The following PRDM16 variants were observed in gnomAD, a reference collection of about 807,000 sequenced individuals.
PRDM16 encodes the protein PR/SET domain 16.
PRDM16 carries 23 observed loss-of-function variants against 110.6 expected under a neutral mutation model. That is an observed-to-expected ratio of 0.21 (90% CI 0.15 to 0.29). The LOEUF is 0.29. PRDM16 is among the 10% of genes least tolerant of loss of function. The pLI, the probability that PRDM16 is intolerant of heterozygous loss-of-function variation, is 1.00. For synonymous variants in PRDM16, 799 were observed against 781.8 expected (o/e 1.02, Z -0.37); for missense variants, 1,615 against 1,794.3 (o/e 0.90, Z 1.81).
Position 3,411,848 on chromosome 1 carries a change from C to T in PRDM16, c.1651C>T (p.Leu551=), listed in dbSNP as rs757695488. The change falls in exon 9 of 17, where the codon CTG becomes TTG. Residue 551 remains leucine (L), a synonymous_variant. Coordinates refer to ENST00000270722, the MANE Select transcript of PRDM16 (RefSeq NM_022114.4). Reference sequence around the variant, plus strand: ...CCAGGACGCCAAGCTCCCCAGTCCCCTGGGGAACCCAGCCCTGCCCCTGGT... The same window carrying T: ...CCAGGACGCCAAGCTCCCCAGTCCCTTGGGGAACCCAGCCCTGCCCCTGGT... The part of the protein sequence containing the change: ...HTQDAKLPSP[L]GNPALPLVSA... 6 of 1,611,728 alleles carry T rather than the reference C, an allele frequency of 3.7e-6. No homozygotes were observed. The highest frequency in any genetic ancestry group is 1.1e-5 in the South Asian group (1 of 90,912).
chr1:3,105,684 G>T (rs1054828514), intron 1 of PRDM16, among the ~76,000 whole-genome samples: 2 of 152,224 alleles, frequency 1.3e-5, no homozygotes, highest in East Asian at 3.9e-4. Context: ...CCTCGGGCAG[G>T]CTCTGCCTCC....
At chr1:3,205,280 C>T (rs1040849475) in intron 2 of PRDM16, among the ~76,000 whole-genome samples, 2 of 152,188 alleles carry the variant, frequency 1.3e-5, no homozygotes, top group African/African-American at 4.8e-5. Flanking sequence ...TGAGCTCCCT[C>T]GGCCCCAAGT....
intron 3 of PRDM16, among the ~76,000 whole-genome samples, chr1:3,288,063 G>A (rs1458395768): frequency 2.0e-5 from 3 of 152,236 alleles, no homozygotes; most frequent in African/African-American, 7.2e-5. Flanking sequence ...AGGAGGCAAG[G>A]CCCCTAAAGT....
chr1:3,406,557 C>G (rs1643566027), intron 8 of PRDM16, among the ~76,000 whole-genome samples: 1 of 151,192 alleles, frequency 6.6e-6, no homozygotes, highest in African/African-American at 2.4e-5. Context: ...TAGCAAGACA[C>G]CATTTCTACC....
chr1:3,316,580 A>G (rs1432692460), intron 3 of PRDM16, among the ~76,000 whole-genome samples: 2 of 152,226 alleles, frequency 1.3e-5, no homozygotes, highest in African/African-American at 4.8e-5. Flanking sequence ...ACATTGATAC[A>G]GGGTAGACAG....
intron 1 of PRDM16, among the ~76,000 whole-genome samples, chr1:3,130,492 C>T (rs190619281): frequency 1.3e-5 from 2 of 152,316 alleles, no homozygotes; most frequent in East Asian, 3.9e-4. Context: ...CCCCAGAGGC[C>T]GTCTCCAGGG....
At chr1:3,077,312 C>T (rs1277542840) in intron 1 of PRDM16, among the ~76,000 whole-genome samples, 1 of 152,160 alleles carries the variant, frequency 6.6e-6, no homozygotes, top group African/African-American at 2.4e-5. Flanking sequence ...AACTCTGCAT[C>T]GTGTGTGTGT....
intron 2 of PRDM16, among the ~76,000 whole-genome samples, chr1:3,210,110 T>C (rs1345578921): frequency 2.0e-5 from 3 of 152,210 alleles, no homozygotes; most frequent in African/African-American, 7.2e-5. Context: ...TCAATAAATA[T>C]TGGATAATTG....
Position 3,295,050 on chromosome 1 carries a change from C to A in PRDM16, c.438+50913C>A, listed in dbSNP as rs1018055580. Among the ~76,000 whole-genome samples, 7 of 152,302 alleles carry A rather than the reference C, an allele frequency of 4.6e-5. No individual in the cohort carries two copies. In the East Asian group the frequency reaches 9.7e-4, roughly 21 times the overall value. Reference sequence around the variant, plus strand: ...ACCCTCAGCCCCACTGGGCTTTCTTCGAGGTGCTCTCCTGCCTGTGGGCCC... The same window carrying A: ...ACCCTCAGCCCCACTGGGCTTTCTTAGAGGTGCTCTCCTGCCTGTGGGCCC... On this transcript the variant is annotated intron_variant, in intron 3 of 16. Coordinates refer to ENST00000270722, the MANE Select transcript of PRDM16 (RefSeq NM_022114.4).
intron 4 of PRDM16, among the ~76,000 whole-genome samples, chr1:3,388,262 C>A (rs1643235214): frequency 6.6e-6 from 1 of 152,172 alleles, no homozygotes; most frequent in African/African-American, 2.4e-5. Flanking sequence ...CAATCTTCCT[C>A]CCTTCCCCTC....
Position 3,201,482 on chromosome 1 carries a change from C to T in PRDM16, c.387+15008C>T, listed in dbSNP as rs970581089. 6.6e-6 allele frequency among the ~76,000 whole-genome samples: 1 copy of T among 152,200 alleles called. No individual in the cohort carries two copies. Among genetic ancestry groups the T allele is most frequent in the Non-Finnish European group, 1.5e-5 (1 of 68,032 alleles). On this transcript the variant is annotated intron_variant, in intron 2 of 16. Coordinates refer to ENST00000270722, the MANE Select transcript of PRDM16 (RefSeq NM_022114.4). The surrounding 1 kb of genome is among the most constrained non-coding windows in gnomAD (Gnocchi z 4.1). ...CCACCGCAGGGCCCAGCCTCCTGCT[C>T]ACTGGGATATTCCCTCATGAGACCT...
intron 3 of PRDM16, among the ~76,000 whole-genome samples, chr1:3,275,565 T>C (rs552820560): frequency 6.6e-6 from 1 of 152,214 alleles, no homozygotes; most frequent in Admixed American, 6.5e-5. Context: ...CACCCTGTCC[T>C]GGTGCAGGCA....
At chr1:3,310,666 G>C (rs1201276546) in intron 3 of PRDM16, among the ~76,000 whole-genome samples, 1 of 152,190 alleles carries the variant, frequency 6.6e-6, no homozygotes, top group Non-Finnish European at 1.5e-5. Flanking sequence ...TGGCCTCCAC[G>C]CTACCTCTCC....
At chr1:3,166,836 C>T (rs1243828987) in intron 1 of PRDM16, among the ~76,000 whole-genome samples, 1 of 152,220 alleles carries the variant, frequency 6.6e-6, no homozygotes, top group Non-Finnish European at 1.5e-5. Context: ...ATGAAGCTCA[C>T]TGTGTCTGGC....
At chr1:3,131,732 T>C (rs1643338885) in intron 1 of PRDM16, among the ~76,000 whole-genome samples, 1 of 152,172 alleles carries the variant, frequency 6.6e-6, no homozygotes, top group Non-Finnish European at 1.5e-5. Context: ...GAGGTGATGG[T>C]GTGGTGCAGG....
chr1:3,414,756 C>T, intron 10 of PRDM16, 109 bp downstream of exon 10: 1 of 793,740 alleles, frequency 1.3e-6, no homozygotes, highest in South Asian at 1.6e-5. Flanking sequence ...CCCGTCCAGG[C>T]CATACCACGC....
chr1:3,273,817 AGT>A (rs57550885), intron 3 of PRDM16, among the ~76,000 whole-genome samples: 16,284 of 136,596 alleles, frequency 0.12, 1,937 homozygotes, highest in African/African-American at 0.33. Context: ...TAGGCATGTA[AGT>A]GTGTGTGTGT....
At chr1:3,314,589 TC>T (rs1256627418) in intron 3 of PRDM16, among the ~76,000 whole-genome samples, 2 of 151,602 alleles carry the variant, frequency 1.3e-5, no homozygotes, top group Non-Finnish European at 2.9e-5. Flanking sequence ...CTCCTCTCTC[TC>T]CCCCCCTCCC....
chr1:3,381,077 T>C (rs1643093907), intron 3 of PRDM16, among the ~76,000 whole-genome samples: 1 of 152,210 alleles, frequency 6.6e-6, no homozygotes, highest in African/African-American at 2.4e-5. Context: ...TGGCCATCGC[T>C]TCAATGTCCT....
Sources: gnomAD v4.1 joint callset for allele counts (sites outside exome capture counted in the v4.1 genomes callset) on GRCh38, gnomAD v4.1.1 for gene constraint, Gnocchi (gnomAD v3.1) non-coding constraint, MANE v1.5 for transcripts, NCBI Gene and HGNC (gene_info 2026-07-23, HGNC 2026-07-21) for gene names.